The following ARHGEF9 variants were observed in gnomAD, a reference collection of about 807,000 sequenced individuals.
ARHGEF9 encodes rho guanine nucleotide exchange factor 9.
In ARHGEF9, 2 loss-of-function variants were observed where a neutral mutation model predicts 41.3. The ratio of observed to expected loss-of-function variants is 0.05; its 90% CI spans 0.02 to 0.15. The LOEUF is 0.15. ARHGEF9 is among the 10% of genes least tolerant of loss of function. The probability of loss-of-function intolerance (pLI) is 1.00; values close to 1 mark genes in which losing one functional copy is unlikely to be tolerated. For missense variants in ARHGEF9, 225 were observed against 424.7 expected (o/e 0.53, Z 4.13); for synonymous variants, 160 against 154.4 (o/e 1.04, Z -0.27).
chrX:63,770,800 A>G (rs2056192127), intron 1 of ARHGEF9, among the ~76,000 whole-genome samples: 1 of 112,142 alleles, frequency 8.9e-6, no homozygotes, highest in African/African-American at 3.2e-5. Context: ...CTCTGGTGGT[A>G]CATTCTCTTT....
chrX:63,655,876 G>T (rs2048845476), intron 7 of ARHGEF9, 139 bp from the exon 8 acceptor site: 1 of 738,878 alleles, frequency 1.4e-6, no homozygotes, highest in Non-Finnish European at 2.0e-6. Flanking sequence ...AATTTGGCCA[G>T]GTTATACTAG....
At chrX:63,770,460 A>C (rs1482081907) in intron 1 of ARHGEF9, among the ~76,000 whole-genome samples, 7 of 112,295 alleles carry the variant, frequency 6.2e-5, no homozygotes, top group Admixed American at 1.9e-4. Flanking sequence ...GCAGGCTCAT[A>C]GGTGGAAGGA....
chrX:63,719,743 G>A, intron 2 of ARHGEF9: 2 of 297,386 alleles, frequency 6.7e-6, no homozygotes, highest in Non-Finnish European at 1.2e-5. Flanking sequence ...GGTGCCAGGA[G>A]ATAATGACCT....
intron 6 of ARHGEF9, 106 bp from the exon 7 acceptor site, chrX:63,666,123 G>T: frequency 9.6e-7 from 1 of 1,043,323 alleles, no homozygotes. Flanking sequence ...GAAGAGGCCA[G>T]AAAGGGCCTG....
intron 4 of ARHGEF9, among the ~76,000 whole-genome samples, chrX:63,679,132 G>T (rs1339771559): frequency 9.0e-6 from 1 of 111,395 alleles, no homozygotes; most frequent in Non-Finnish European, 1.9e-5. Flanking sequence ...TAATGGCTGA[G>T]AAAAAAATGT....
intron 1 of ARHGEF9, chrX:63,767,062 C>T (rs1602738282): frequency 1.0e-6 from 1 of 982,809 alleles, no homozygotes; most frequent in East Asian, 3.1e-5. Context: ...AACCAAGGAA[C>T]AGTGATCCAC....
intron 1 of ARHGEF9, among the ~76,000 whole-genome samples, chrX:63,774,292 T>C (rs1380188400): frequency 9.0e-6 from 1 of 111,440 alleles, no homozygotes; most frequent in Admixed American, 9.6e-5. Flanking sequence ...TCATACGTTT[T>C]TCCCATGAAA....
At chrX:63,649,212 A>G (rs2048361533) in intron 8 of ARHGEF9, among the ~76,000 whole-genome samples, 1 of 111,912 alleles carries the variant, frequency 8.9e-6, no homozygotes, top group African/African-American at 3.2e-5. Context: ...CAGCAAATGT[A>G]AAAGAACAGA....
intron 1 of ARHGEF9, among the ~76,000 whole-genome samples, chrX:63,773,496 G>A (rs1428247851): frequency 4.5e-5 from 5 of 112,152 alleles, no homozygotes; most frequent in African/African-American, 9.7e-5. Context: ...ACAGAGTAGC[G>A]CAGTTCACAC....
At chrX:63,710,176 C>A (rs2052823215) in intron 2 of ARHGEF9, among the ~76,000 whole-genome samples, 1 of 107,657 alleles carries the variant, frequency 9.3e-6, no homozygotes. Flanking sequence ...GGATAAAGTC[C>A]TAGAAAGACA....
chrX:63,685,230 T>C (rs2050910032), intron 4 of ARHGEF9, among the ~76,000 whole-genome samples: 1 of 111,822 alleles, frequency 8.9e-6, no homozygotes, highest in South Asian at 3.7e-4. Flanking sequence ...ATCTTAAATT[T>C]ATACCTTAAA....
chrX:63,765,195 A>T (rs1488466462), intron 1 of ARHGEF9, among the ~76,000 whole-genome samples: 2 of 110,693 alleles, frequency 1.8e-5, no homozygotes, highest in Non-Finnish European at 3.8e-5. Flanking sequence ...GGACAAAATG[A>T]GCTGCACATC....
At chrX:63,737,812 T>C (rs188349285) in intron 1 of ARHGEF9, among the ~76,000 whole-genome samples, 4 of 111,883 alleles carry the variant, frequency 3.6e-5, no homozygotes, top group African/African-American at 6.5e-5. Flanking sequence ...GTAAGGAAAC[T>C]AATTTGTGAA....
At chrX:63,756,301 G>A (rs1280521835) in intron 1 of ARHGEF9, among the ~76,000 whole-genome samples, 1 of 111,864 alleles carries the variant, frequency 8.9e-6, no homozygotes, top group Non-Finnish European at 1.9e-5. Flanking sequence ...TATATTATAG[G>A]ATTATATGAC....
intron 6 of ARHGEF9, among the ~76,000 whole-genome samples, chrX:63,666,449 T>TATACACAC (rs1556348775): frequency 3.0e-4 from 6 of 19,846 alleles, no homozygotes; most frequent in African/African-American, 8.7e-4. Context: ...CATATATATA[T>TATACACAC]ACATACACAC....
intron 2 of ARHGEF9, among the ~76,000 whole-genome samples, chrX:63,721,128 T>A (rs782519349): frequency 2.3e-3 from 259 of 111,795 alleles, no homozygotes; most frequent in Non-Finnish European, 3.1e-3. Context: ...CTACAGTGAA[T>A]CTAGGGTTTC....
At chrX:63,688,552 T>C (rs2051129105) in intron 4 of ARHGEF9, among the ~76,000 whole-genome samples, 1 of 112,278 alleles carries the variant, frequency 8.9e-6, no homozygotes, top group Non-Finnish European at 1.9e-5. Flanking sequence ...CTATCAAAAA[T>C]AATGACAATT....
intron 2 of ARHGEF9, among the ~76,000 whole-genome samples, chrX:63,719,493 C>T (rs782039824): frequency 8.9e-6 from 1 of 112,155 alleles, no homozygotes; most frequent in South Asian, 3.7e-4. Context: ...GCAGGGCACA[C>T]AAAGAATCAG....
chrX:63,760,662 C>A (rs1167881277), intron 1 of ARHGEF9, among the ~76,000 whole-genome samples: 3 of 111,617 alleles, frequency 2.7e-5, no homozygotes, highest in Non-Finnish European at 3.8e-5. Flanking sequence ...CTCCTCCCAA[C>A]CTCCCTGTGT....
Sources: allele counts gnomAD v4.1 joint callset (sites outside exome capture counted in the v4.1 genomes callset), GRCh38; gene constraint gnomAD v4.1.1; transcripts MANE v1.5; gene names NCBI Gene and HGNC (gene_info 2026-07-23, HGNC 2026-07-21).